Variants in MED12L observed in about 807,000 individuals in gnomAD.
The protein encoded by MED12L is mediator of RNA polymerase II transcription subunit 12-like protein.
In MED12L, 60 loss-of-function variants were observed where a neutral mutation model predicts 281.3. The observed-to-expected ratio is 0.21, with a 90% CI of 0.17 to 0.26. The LOEUF is 0.26. Ranked by LOEUF, MED12L falls within the 10% of genes least tolerant of loss-of-function variation. MED12L has a pLI of 1.00. For missense variants in MED12L, 2,146 were observed against 2,680.9 expected, an observed-to-expected ratio of 0.80 and a Z score of 4.41; for synonymous variants, 974 against 987.2, an observed-to-expected ratio of 0.99 and a Z score of 0.25.
At chr3:151,299,778 AGTTT>A (rs1745655438) in intron 16 of MED12L, among the ~76,000 whole-genome samples, 1 of 152,102 alleles carries the variant, frequency 6.6e-6, no homozygotes, top group South Asian at 2.1e-4. Flanking sequence ...ACGTAATTTT[AGTTT>A]GTGTTTAAAA....
chr3:151,386,497 C>A (rs1367633717), intron 36 of MED12L, among the ~76,000 whole-genome samples: 1 of 151,960 alleles, frequency 6.6e-6, no homozygotes, highest in Admixed American at 6.6e-5. Flanking sequence ...TCAAACGATT[C>A]TCCTGTCTCA....
intron 33 of MED12L, 67 bp from the exon 34 acceptor site, chr3:151,383,712 C>A: frequency 1.0e-6 from 1 of 980,656 alleles, no homozygotes. Context: ...AATTTGATAA[C>A]ATAAAGCAAT....
intron 5 of MED12L, among the ~76,000 whole-genome samples, chr3:151,141,201 G>GTTTTTTTTTTTTTTT (rs1716973453): frequency 3.4e-5 from 2 of 58,318 alleles, no homozygotes; most frequent in Admixed American, 1.8e-4. Flanking sequence ...TTTTTTTTTT[G>GTTTTTTTTTTTTTTT]TTAGTAGAGA....
At chr3:151,264,010 C>T (rs558886917) in intron 16 of MED12L, among the ~76,000 whole-genome samples, 5 of 152,338 alleles carry the variant, frequency 3.3e-5, no homozygotes, top group African/African-American at 1.2e-4. Context: ...ACCCACTTAA[C>T]AGTATATCAT....
rs1193080214 is a variant in MED12L at position 151,218,478 on chromosome 3, T to C, written c.2250+24812T>C. On this transcript the variant is annotated intron_variant, in intron 16 of 44. Coordinates refer to ENST00000687756, the MANE Select transcript of MED12L (RefSeq NM_001393769.1). ...GAATTTCTGCTGTGAAAGTTGTCATTATGTTAACCTTGAGGCTTTAGGAAT... is the reference window on the plus strand; with the variant it reads ...GAATTTCTGCTGTGAAAGTTGTCATCATGTTAACCTTGAGGCTTTAGGAAT... Among the ~76,000 whole-genome samples the C allele has an allele frequency of 2.0e-5, 3 of 152,214 alleles. 1 individual carries two copies. The highest frequency in any genetic ancestry group is 1.9e-4 in the East Asian group (1 of 5,198).
intron 16 of MED12L, chr3:151,200,972 A>G (rs554630627): frequency 2.0e-5 from 3 of 152,338 alleles, no homozygotes; most frequent in Admixed American, 6.5e-5. Flanking sequence ...TGATCTCAGA[A>G]TCACATTCAA....
chr3:151,214,439 C>A (rs1327649262), intron 16 of MED12L: 8 of 796,782 alleles, frequency 1.0e-5, no homozygotes, highest in African/African-American at 3.4e-5. Context: ...GTCAAACCTA[C>A]CAAATTTTTG....
At chr3:151,141,201 G>GTTTTTTTTTTTTTTTTTTTTTTTTTTT (rs1716973453) in intron 5 of MED12L, among the ~76,000 whole-genome samples, 4 of 58,348 alleles carry the variant, frequency 6.9e-5, no homozygotes, top group South Asian at 1.1e-3. Context: ...TTTTTTTTTT[G>GTTTTTTTTTTTTTTTTTTTTTTTTTTT]TTAGTAGAGA....
At chr3:151,409,461 A>G (rs966392176) in intron 40 of MED12L, 129 bp downstream of exon 40, 7 of 743,850 alleles carry the variant, frequency 9.4e-6, no homozygotes, top group African/African-American at 8.9e-5. Context: ...CTACTTATAG[A>G]TTATAATTGA....
At chr3:151,432,530 C>T (rs936715426) in intron 44 of MED12L, among the ~76,000 whole-genome samples, 8 of 152,220 alleles carry the variant, frequency 5.3e-5, no homozygotes, top group African/African-American at 1.4e-4. Context: ...CTAAATCCTG[C>T]GGCCTTGCAT....
intron 16 of MED12L, among the ~76,000 whole-genome samples, chr3:151,264,759 C>G (rs1739517352): frequency 6.6e-6 from 1 of 152,118 alleles, no homozygotes; most frequent in Non-Finnish European, 1.5e-5. Context: ...CTCAGGCCCA[C>G]CCAGTGCGTG....
intron 3 of MED12L, among the ~76,000 whole-genome samples, chr3:151,116,788 G>C (rs764413996): frequency 1.3e-5 from 2 of 152,022 alleles, no homozygotes; most frequent in Non-Finnish European, 2.9e-5. Flanking sequence ...TTCTCATGAC[G>C]GGATCCAGGT....
At chr3:151,292,562 C>T (rs1016324637) in intron 16 of MED12L, among the ~76,000 whole-genome samples, 1 of 151,416 alleles carries the variant, frequency 6.6e-6, no homozygotes, top group African/African-American at 2.4e-5. Flanking sequence ...TGAGCCACTG[C>T]GCGCAGCTTG....
chr3:151,234,160 C>G (rs1441031242), intron 16 of MED12L, among the ~76,000 whole-genome samples: 3 of 152,084 alleles, frequency 2.0e-5, no homozygotes, highest in African/African-American at 7.2e-5. Context: ...TTTGTAATAG[C>G]AAAAATATGG....
intron 2 of MED12L, among the ~76,000 whole-genome samples, chr3:151,090,243 A>C (rs1452664896): frequency 6.6e-6 from 1 of 152,086 alleles, no homozygotes; most frequent in Non-Finnish European, 1.5e-5. Context: ...TGAGAGTGAT[A>C]ATACTACTTA....
At chr3:151,128,148 T>C (rs1714817873) in intron 5 of MED12L, among the ~76,000 whole-genome samples, 164 bp downstream of exon 5, 1 of 152,172 alleles carries the variant, frequency 6.6e-6, no homozygotes, top group Non-Finnish European at 1.5e-5. Context: ...GTTCACTCAG[T>C]CTCAGAATCC....
chr3:151,141,179 T>TTTGTTTGTTTTTTTTTTTTTTG (rs1553808460), intron 5 of MED12L, among the ~76,000 whole-genome samples: 3 of 113,968 alleles, frequency 2.6e-5, no homozygotes, highest in African/African-American at 1.4e-4. Flanking sequence ...TTTTTTTTTG[T>TTTGTTTGTTTTTTTTTTTTTTG]TTTTTTTGTT....
intron 16 of MED12L, among the ~76,000 whole-genome samples, chr3:151,278,892 A>G (rs1297092887): frequency 6.6e-6 from 1 of 152,218 alleles, no homozygotes; most frequent in Non-Finnish European, 1.5e-5. Flanking sequence ...CATTTTTCCC[A>G]CATTAATTTT....
At chr3:151,304,945 T>A (rs895238133) in intron 16 of MED12L, among the ~76,000 whole-genome samples, 1 of 152,104 alleles carries the variant, frequency 6.6e-6, no homozygotes, top group Non-Finnish European at 1.5e-5. Context: ...CCTTGCACCT[T>A]GTTTATGCTG....
Sources: gnomAD v4.1 joint callset for allele counts (sites outside exome capture counted in the v4.1 genomes callset) on GRCh38, gnomAD v4.1.1 for gene constraint, MANE v1.5 for transcripts, NCBI Gene and HGNC (gene_info 2026-07-23, HGNC 2026-07-21) for gene names.